GAREM1: variants seen among roughly 807,000 people sequenced by gnomAD.
The protein encoded by GAREM1 is GRB2-associated and regulator of MAPK protein 1.
GAREM1 carries 26 observed loss-of-function variants against 71.3 expected under a neutral mutation model. The ratio of observed to expected loss-of-function variants is 0.36; its 90% CI spans 0.27 to 0.51. The LOEUF (loss-of-function observed/expected upper bound fraction) is 0.51. GAREM1 is among the 20% of genes least tolerant of loss of function. The probability of loss-of-function intolerance (pLI) is 0.95; values close to 1 mark genes in which losing one functional copy is unlikely to be tolerated. For synonymous variants in GAREM1, 440 were observed against 433.2 expected (o/e 1.02, Z -0.20); for missense variants, 1,026 against 1,103.1 (o/e 0.93, Z 0.99).
intron 1 of GAREM1, among the ~76,000 whole-genome samples, chr18:32,467,908 T>C (rs917134728): frequency 6.6e-6 from 1 of 151,778 alleles, no homozygotes; most frequent in Non-Finnish European, 1.5e-5. Flanking sequence ...TGTCCTAAAC[T>C]GTGTGAAACA....
rs188054919 is a variant in GAREM1 at position 32,392,680 on chromosome 18, A to G, written c.262+215T>C. On this transcript the variant is annotated intron_variant, in intron 2 of 5. Transcript: ENST00000269209. ...TATTTGTAAAATTTCTATCTTATAA[A>G]TACCTAATAAGAATCCTCATTTAAC... is the stretch of plus-strand genomic sequence containing the variant. Among the ~76,000 whole-genome samples the G allele has an allele frequency of 4.6e-5, 7 of 152,310 alleles. No individual in the cohort carries two copies. The East Asian group carries it at 1.2e-3, about 25-fold the overall frequency.
At chr18:32,417,202 T>A (rs1165769639) in intron 1 of GAREM1, among the ~76,000 whole-genome samples, 1 of 152,120 alleles carries the variant, frequency 6.6e-6, no homozygotes, top group African/African-American at 2.4e-5. Flanking sequence ...ATGGCTTTTA[T>A]CCAAGTCAGG....
intron 1 of GAREM1, among the ~76,000 whole-genome samples, chr18:32,450,210 C>T (rs889076110): frequency 6.6e-6 from 1 of 152,146 alleles, no homozygotes; most frequent in South Asian, 2.1e-4. Context: ...TCTTCTGTTC[C>T]GACTGTAACG....
At chr18:32,430,971 G>C (rs1045635895) in intron 1 of GAREM1, among the ~76,000 whole-genome samples, 1 of 152,194 alleles carries the variant, frequency 6.6e-6, no homozygotes, top group Non-Finnish European at 1.5e-5. Flanking sequence ...ATCACAGAGA[G>C]AAAGGAGTTC....
intron 1 of GAREM1, among the ~76,000 whole-genome samples, chr18:32,438,419 C>T (rs72933548): frequency 0.12 from 18,411 of 152,164 alleles, 1,433 homozygotes; most frequent in East Asian, 0.33. Context: ...CGCTCCTCCA[C>T]ATGGCCCCTT....
intron 1 of GAREM1, among the ~76,000 whole-genome samples, chr18:32,394,863 C>T (rs2048235614): frequency 6.6e-6 from 1 of 152,190 alleles, no homozygotes; most frequent in African/African-American, 2.4e-5. Context: ...TGGGCACGAA[C>T]CTCCTTCTTT....
intron 3 of GAREM1, among the ~76,000 whole-genome samples, chr18:32,292,974 ATG>A (rs1487211678): frequency 6.6e-6 from 1 of 152,150 alleles, no homozygotes; most frequent in Non-Finnish European, 1.5e-5. Flanking sequence ...AAATATATTG[ATG>A]TCTTGCGAGT....
chr18:32,308,332 T>C (rs990394470), intron 3 of GAREM1, among the ~76,000 whole-genome samples: 2 of 150,030 alleles, frequency 1.3e-5, no homozygotes, highest in South Asian at 4.3e-4. Flanking sequence ...TTACTACAAA[T>C]TCACCAAGAA....
At chr18:32,458,752 T>C (rs1266289002) in intron 1 of GAREM1, among the ~76,000 whole-genome samples, 1 of 152,030 alleles carries the variant, frequency 6.6e-6, no homozygotes, top group Non-Finnish European at 1.5e-5. Context: ...ATACAACGTT[T>C]TCATTATCTA....
At chr18:32,354,254 C>T (rs763200449) in intron 2 of GAREM1, among the ~76,000 whole-genome samples, 10 of 152,052 alleles carry the variant, frequency 6.6e-5, no homozygotes, top group Non-Finnish European at 1.2e-4. Flanking sequence ...TTAATAATAA[C>T]TTAGTTTGAA....
chr18:32,377,586 C>A (rs575753446), intron 2 of GAREM1, among the ~76,000 whole-genome samples: 2 of 152,096 alleles, frequency 1.3e-5, no homozygotes, highest in Non-Finnish European at 2.9e-5. Flanking sequence ...TTTTTTGAGA[C>A]GGAGTCTCGT....
In GAREM1 at chr18:32,420,318, T is replaced by C. The variant is rs184105582; in HGVS notation, c.122-27283A>G. Among the ~76,000 whole-genome samples, 114 of 152,178 alleles carry C rather than the reference T, an allele frequency of 7.5e-4. 1 individual carries two copies. The East Asian group carries it at 0.018, about 24-fold the overall frequency. On this transcript the variant is annotated intron_variant, in intron 1 of 5. Coordinates refer to ENST00000269209, the MANE Select transcript of GAREM1 (RefSeq NM_001242409.2). ...AGAAGAAAGGGAAGTCTTTTTGTTT[T>C]TTTGCCAAAATGACTATATTAGGGA...
chr18:32,385,857 A>G (rs1339134123), intron 2 of GAREM1, among the ~76,000 whole-genome samples: 4 of 152,188 alleles, frequency 2.6e-5, no homozygotes, highest in Non-Finnish European at 5.9e-5. Context: ...TGAAATATAG[A>G]TAATAGCACC....
chr18:32,425,231 A>G lies in GAREM1; in HGVS notation c.122-32196T>C, dbSNP rs10438936. On this transcript the variant is annotated intron_variant, in intron 1 of 5. Coordinates refer to ENST00000269209, the MANE Select transcript of GAREM1 (RefSeq NM_001242409.2). ...CTTTAAAAATATATATTTTTTCCAC[A>G]TTAATGATAGGAAATACAGTTAACC... is the stretch of plus-strand genomic sequence containing the variant. Among the ~76,000 whole-genome samples the G allele has an allele frequency of 5.7e-3, 868 of 152,334 alleles. 11 individuals are homozygous for G. Among genetic ancestry groups the G allele is most frequent in the African/African-American group, 0.02 (815 of 41,578 alleles).
chr18:32,448,403 T>C lies in GAREM1; in HGVS notation c.121+21905A>G, dbSNP rs138178769. On this transcript the variant is annotated intron_variant, in intron 1 of 5. Transcript: ENST00000269209. The stretch of plus-strand genomic sequence containing the variant: ...CTAAGTGTGACCACATCCCCGATCA[T>C]GTCTGTTATGCTCTTACTTGTCATT... Among the ~76,000 whole-genome samples the C allele has an allele frequency of 6.6e-5, 10 of 152,334 alleles. No homozygotes were observed. The East Asian group carries it at 1.9e-3, about 29-fold the overall frequency.
chr18:32,421,983 CCTA>C (rs2048523315), intron 1 of GAREM1, among the ~76,000 whole-genome samples: 1 of 152,080 alleles, frequency 6.6e-6, no homozygotes, highest in Non-Finnish European at 1.5e-5. Context: ...TATCCTTTCT[CCTA>C]CTTTTTTTTT....
intron 1 of GAREM1, among the ~76,000 whole-genome samples, chr18:32,437,523 C>A (rs965798153): frequency 6.6e-6 from 1 of 152,064 alleles, no homozygotes; most frequent in Non-Finnish European, 1.5e-5. Flanking sequence ...ATTCCATGAC[C>A]AGCAGAAACT....
At chr18:32,394,432 G>T (rs564706218) in intron 1 of GAREM1, among the ~76,000 whole-genome samples, 3 of 152,078 alleles carry the variant, frequency 2.0e-5, no homozygotes, top group South Asian at 4.2e-4. Context: ...AAATAAAAAG[G>T]TTAAAACAGT....
intron 3 of GAREM1, among the ~76,000 whole-genome samples, chr18:32,298,820 T>C (rs2047169138): frequency 1.3e-5 from 2 of 152,320 alleles, no homozygotes; most frequent in African/African-American, 4.8e-5. Flanking sequence ...CAATATTTGA[T>C]TAGTATTATG....
Sources: gnomAD v4.1 joint callset for allele counts (sites outside exome capture counted in the v4.1 genomes callset) on GRCh38, gnomAD v4.1.1 for gene constraint, MANE v1.5 for transcripts, NCBI Gene and HGNC (gene_info 2026-07-23, HGNC 2026-07-21) for gene names.